The following MCF2L variants were observed in gnomAD, a reference collection of about 807,000 sequenced individuals.
MCF2L encodes guanine nucleotide exchange factor DBS.
Under a neutral mutation model 153.4 loss-of-function variants are expected in MCF2L, and 97 were observed. That is an observed-to-expected ratio of 0.63 (90% CI 0.54 to 0.75). The LOEUF (loss-of-function observed/expected upper bound fraction) is 0.75, where lower values mean the gene tolerates loss of function less well. Among genes scored for constraint, MCF2L ranks in the 30% least tolerant of loss-of-function variants. The pLI is 0.00. For synonymous variants in MCF2L, 659 were observed against 632.2 expected (o/e 1.04, Z -0.64); for missense variants, 1,347 against 1,495.2 (o/e 0.90, Z 1.64).
chr13:112,999,652 TG>T (rs2083280448), intron 1 of MCF2L, among the ~76,000 whole-genome samples: 1 of 151,898 alleles, frequency 6.6e-6, no homozygotes, highest in Non-Finnish European at 1.5e-5. Context: ...GAGCACATTG[TG>T]GGAGAGGGGG....
In MCF2L at chr13:112,993,293, T is replaced by C. The variant is rs1172815299; in HGVS notation, c.80-21470T>C. Among the ~76,000 whole-genome samples the C allele has an allele frequency of 6.6e-6, 1 of 151,940 alleles. No individual in the cohort carries two copies. The highest frequency in any genetic ancestry group is 1.5e-5 in the Non-Finnish European group (1 of 67,964). On this transcript the variant is annotated intron_variant, in intron 1 of 29. Coordinates refer to ENST00000535094, the MANE Select transcript of MCF2L (RefSeq NM_001112732.3). The surrounding 1 kb of genome is among the most constrained non-coding windows in gnomAD (Gnocchi z 4.6). ...AGCGCCGGGCACACAACATGGTGGGTGTTCCTGGGCAGAGGCTTGGTGGGC... is the reference window on the plus strand; with the variant it reads ...AGCGCCGGGCACACAACATGGTGGGCGTTCCTGGGCAGAGGCTTGGTGGGC...
intron 1 of MCF2L, among the ~76,000 whole-genome samples, chr13:113,011,650 T>C (rs2084119351): frequency 1.1e-5 from 1 of 90,440 alleles, no homozygotes; most frequent in African/African-American, 3.6e-5. Flanking sequence ...ACAGGCAGTG[T>C]GGACGGTGGA....
chr13:112,897,498 G>A (rs1489485838), intron 1 of MCF2L, among the ~76,000 whole-genome samples: 3 of 152,172 alleles, frequency 2.0e-5, no homozygotes, highest in Non-Finnish European at 4.4e-5. Flanking sequence ...GCGGCCATTG[G>A]AACCAGAGCT....
intron 1 of MCF2L, among the ~76,000 whole-genome samples, chr13:113,008,489 T>A (rs1420612829): frequency 1.3e-5 from 2 of 152,176 alleles, no homozygotes; most frequent in Non-Finnish European, 1.5e-5. Context: ...TAAGTCTTTT[T>A]AAAATCTAAG....
chr13:112,912,107 C>T, intron 2 of MCF2L, among the ~76,000 whole-genome samples: 1 of 152,152 alleles, frequency 6.6e-6, no homozygotes, highest in Non-Finnish European at 1.5e-5. Context: ...CATCCCCGGG[C>T]CCAGCAGTCA....
At chr13:113,087,921 G>A (rs1182129829) in intron 23 of MCF2L, 122 bp downstream of exon 23, 2 of 790,512 alleles carry the variant, frequency 2.5e-6, no homozygotes, top group African/African-American at 3.4e-5. Context: ...GTACACTTCA[G>A]GATGCTGCCC....
At chr13:112,905,399 T>C (rs4147149) in intron 2 of MCF2L, among the ~76,000 whole-genome samples, 3 of 152,024 alleles carry the variant, frequency 2.0e-5, no homozygotes, top group African/African-American at 7.3e-5. Flanking sequence ...AAATAAGGAA[T>C]AGATGTGGGT....
intron 1 of MCF2L, among the ~76,000 whole-genome samples, chr13:112,894,804 GA>G (rs1460175140): frequency 3.3e-5 from 5 of 152,126 alleles, no homozygotes; most frequent in African/African-American, 9.7e-5. Flanking sequence ...CACCTCGTAG[GA>G]CCACCCCGGG....
At chr13:112,915,664 T>C in intron 2 of MCF2L, among the ~76,000 whole-genome samples, 1 of 152,122 alleles carries the variant, frequency 6.6e-6, no homozygotes, top group Non-Finnish European at 1.5e-5. Flanking sequence ...TCCTGTTATC[T>C]AATTACATGA....
intron 2 of MCF2L, among the ~76,000 whole-genome samples, chr13:112,912,989 G>A (rs746125626): frequency 4.6e-5 from 7 of 151,080 alleles, no homozygotes; most frequent in African/African-American, 7.3e-5. Flanking sequence ...GTGTCTGTGT[G>A]ATTGTGTGTC....
At chr13:113,065,733 G>A (rs1053749869) in intron 7 of MCF2L, among the ~76,000 whole-genome samples, 7 of 152,218 alleles carry the variant, frequency 4.6e-5, no homozygotes, top group East Asian at 1.9e-4. Flanking sequence ...CCGCTCCACC[G>A]TGAGGACACT....
rs567978660 is a variant in MCF2L, at chr13:112,917,520, C to T, written c.169+15149C>T. The T allele has an allele frequency of 1.5e-3, 426 of 292,446 alleles. 4 individuals carry two copies. Among genetic ancestry groups the T allele is most frequent in the Admixed American group, 6.9e-3 (146 of 21,190 alleles). The allele number at this position is 292,446 out of a possible 1,614,324, so 18.1% of individuals were successfully genotyped here. On this transcript the variant is annotated intron_variant, in intron 2 of 29. Transcript: ENST00000375608. ...CGCAGAACAGCAAGCGGTGACCTCT[C>T]GAAGGTGAGTGCGGGCCCTTCTCTG...
intron 14 of MCF2L, 90 bp downstream of exon 14, chr13:113,078,526 C>T: frequency 7.2e-7 from 1 of 1,382,384 alleles, no homozygotes; most frequent in Non-Finnish European, 1.0e-6. Context: ...CCCTCCCGGG[C>T]ACTGCCCAGC....
In MCF2L at chr13:112,993,943, A is replaced by G. The variant is rs1566702808; in HGVS notation, c.80-20820A>G. On this transcript the variant is annotated intron_variant, in intron 1 of 29. Transcript: ENST00000535094. This position sits in a 1 kb window ranked among gnomAD's most constrained non-coding sequence, Gnocchi z 4.6. Reference sequence around the variant, plus strand: ...GATTTCCCTTCAGATAAAAGGCACAATCACAACAGCAGCAAACACACCTTC... The same window carrying G: ...GATTTCCCTTCAGATAAAAGGCACAGTCACAACAGCAGCAAACACACCTTC... Among the ~76,000 whole-genome samples the G allele has an allele frequency of 1.3e-5, 2 of 149,528 alleles. No homozygotes were observed. The highest frequency in any genetic ancestry group is 4.9e-5 in the African/African-American group (2 of 40,410).
chr13:113,064,889 T>G lies in MCF2L; in HGVS notation c.607-47T>G. The G allele has an allele frequency of 6.4e-7, 1 of 1,569,398 alleles. No individual in the cohort carries two copies. Among genetic ancestry groups the G allele is most frequent in the Non-Finnish European group, 8.7e-7 (1 of 1,154,134 alleles). On this transcript the variant is annotated intron_variant, in intron 6 of 29. Transcript: ENST00000535094. This position sits in a 1 kb window ranked among gnomAD's most constrained non-coding sequence, Gnocchi z 6.0. Reference sequence around the variant, plus strand: ...TGTCTGCTTTCAGGGCAGCAGGAGGTGGGTGCAGTGCACAAGGCATGCAAT... The same window carrying G: ...TGTCTGCTTTCAGGGCAGCAGGAGGGGGGTGCAGTGCACAAGGCATGCAAT...
intron 2 of MCF2L, among the ~76,000 whole-genome samples, chr13:112,914,861 C>G (rs1171909356): frequency 6.7e-6 from 1 of 150,120 alleles, no homozygotes; most frequent in African/African-American, 2.4e-5. Context: ...TCGTCATTGT[C>G]TTGACTTTCC....
At chr13:113,021,836 G>A (rs1262711038) in intron 2 of MCF2L, among the ~76,000 whole-genome samples, 1 of 152,062 alleles carries the variant, frequency 6.6e-6, no homozygotes, top group Non-Finnish European at 1.5e-5. Context: ...AGAAAGAACA[G>A]GGTCTTTGCT....
intron 4 of MCF2L, among the ~76,000 whole-genome samples, chr13:113,055,983 T>TC (rs749495037): frequency 5.3e-5 from 8 of 152,044 alleles, no homozygotes; most frequent in Admixed American, 2.6e-4. Context: ...CCTCATCCAC[T>TC]CCGCAGCAGA....
At position 113,026,806 on chromosome 13, in the gene MCF2L, TC is replaced by T. The variant is rs528618268; in HGVS notation, c.278+2050del. The T allele has an allele frequency of 2.1e-3, 1,311 of 619,724 alleles. 14 individuals are homozygous for T. The highest frequency in any genetic ancestry group is 0.02 in the African/African-American group (1,082 of 54,140). 38.4% of individuals were successfully genotyped at this position (619,724 alleles called of 1,614,324 possible). A position where few individuals can be genotyped will look rare whatever the true frequency, so the allele number is the denominator to read the frequency against. The stretch of plus-strand genomic sequence containing the variant: ...CTCAGGCTGCAGTTTTTTGTTTTGT[TC>T]CAGACAGAGCTGGGTCCCTGTCCTC... On this transcript the variant is annotated intron_variant, in intron 3 of 29. Transcript: ENST00000535094.
Sources: gnomAD v4.1 joint callset for allele counts (sites outside exome capture counted in the v4.1 genomes callset) on GRCh38, gnomAD v4.1.1 for gene constraint, Gnocchi (gnomAD v3.1) non-coding constraint, MANE v1.5 for transcripts, NCBI Gene and HGNC (gene_info 2026-07-23, HGNC 2026-07-21) for gene names.